Variants in CDH11 observed in about 807,000 individuals in gnomAD.
The protein encoded by CDH11 is cadherin-11.
A neutral mutation model predicts 67.8 loss-of-function variants in CDH11; 11 were observed. That is an observed-to-expected ratio of 0.16 (90% CI 0.10 to 0.27). CDH11 has a LOEUF of 0.27. Among genes scored for constraint, CDH11 ranks in the 10% least tolerant of loss-of-function variants. The pLI, the probability that CDH11 is intolerant of heterozygous loss-of-function variation, is 1.00. For synonymous variants in CDH11, 419 were observed against 400.0 expected (o/e 1.05, Z -0.57); for missense variants, 847 against 1,031.2 (o/e 0.82, Z 2.45).
intron 1 of CDH11, among the ~76,000 whole-genome samples, chr16:65,056,224 G>A (rs1268690508): frequency 6.6e-6 from 1 of 152,190 alleles, no homozygotes; most frequent in Non-Finnish European, 1.5e-5. Flanking sequence ...ACTGTGCTGT[G>A]AGAAAGCTCC....
chr16:64,969,151 G>A (rs1376608784), intron 11 of CDH11, among the ~76,000 whole-genome samples: 2 of 151,988 alleles, frequency 1.3e-5, no homozygotes, highest in African/African-American at 4.8e-5. Context: ...AAATATAGAT[G>A]GTATCCGCAA....
chr16:65,012,366 G>A (rs1476170095), intron 2 of CDH11, among the ~76,000 whole-genome samples: 2 of 152,146 alleles, frequency 1.3e-5, no homozygotes, highest in African/African-American at 2.4e-5. Context: ...AGTTCAAAAC[G>A]AGGAGGTGGG....
At position 64,947,623 on chromosome 16, in the gene CDH11, T is replaced by C; in HGVS notation, c.2371A>G (p.Thr791Ala). The C allele has an allele frequency of 6.2e-7, 1 of 1,607,654 alleles. No individual in the cohort carries two copies. The highest frequency in any genetic ancestry group is 1.3e-5 in the African/African-American group (1 of 74,790). The change falls in exon 13 of 13, where the codon ACT becomes GCT. Residue 791 changes from threonine to alanine, a missense_variant. Around this residue, in one of 2 missense-constraint regions of CDH11, gnomAD observed 612 missense variants for 678.7 expected, o/e 0.90. Coordinates refer to ENST00000268603, the MANE Select transcript of CDH11 (RefSeq NM_001797.4). ...TATTGTTAAGAATCGTCATCAAAAG[T>C]GTCTTTGGAACCATACAAATCTGCT... ...KLADLYGSKD[T>A]FDDDS is the part of the protein sequence containing the mutation.
intron 4 of CDH11, among the ~76,000 whole-genome samples, chr16:64,994,297 G>A (rs1006898317): frequency 1.3e-5 from 2 of 151,992 alleles, no homozygotes; most frequent in African/African-American, 4.8e-5. Flanking sequence ...GTGTGGCTAG[G>A]GAAATTATTA....
chr16:64,971,598 G>A lies in CDH11; in HGVS notation c.1623C>T (p.Phe541=), dbSNP rs2072006645. The A allele has an allele frequency of 6.2e-7, 1 of 1,611,400 alleles. No individual in the cohort carries two copies. The change falls in exon 11 of 13, where the codon TTC becomes TTT. Residue 541 remains phenylalanine, a synonymous_variant. Coordinates refer to ENST00000268603, the MANE Select transcript of CDH11 (RefSeq NM_001797.4). ...LPPEIIHNPN[F]TVRDNRDNTA... is the part of the protein sequence containing the mutation. ...ACAAACCTCGGTTGTCTCTGACTGTGAAATTTGGATTGTGAATGATTTCAG... is the reference window on the plus strand; with the variant it reads ...ACAAACCTCGGTTGTCTCTGACTGTAAAATTTGGATTGTGAATGATTTCAG...
intron 11 of CDH11, among the ~76,000 whole-genome samples, chr16:64,955,074 G>A (rs531663640): frequency 3.6e-4 from 55 of 151,844 alleles, no homozygotes; most frequent in African/African-American, 1.3e-3. Context: ...GTGAAACACC[G>A]TCTCTACTAA....
At chr16:64,959,298 A>G (rs118176539) in intron 11 of CDH11, among the ~76,000 whole-genome samples, 24 of 152,310 alleles carry the variant, frequency 1.6e-4, no homozygotes, top group Non-Finnish European at 3.4e-4. Context: ...TGTCACATTT[A>G]ATCACATTTC....
chr16:65,026,851 A>C (rs2073544077), intron 2 of CDH11, among the ~76,000 whole-genome samples: 1 of 152,154 alleles, frequency 6.6e-6, no homozygotes, highest in Non-Finnish European at 1.5e-5. Flanking sequence ...TCCTTGCCTA[A>C]GTCTCCAAAG....
intron 3 of CDH11, among the ~76,000 whole-genome samples, chr16:65,002,766 C>A (rs188075630): frequency 2.6e-5 from 4 of 152,218 alleles, no homozygotes; most frequent in African/African-American, 9.6e-5. Context: ...TTCTCTTTCC[C>A]CTTTACCTTC....
intron 2 of CDH11, among the ~76,000 whole-genome samples, chr16:65,025,445 C>T (rs1217612862): frequency 5.3e-5 from 8 of 152,162 alleles, no homozygotes; most frequent in Admixed American, 2.0e-4. Flanking sequence ...CGGGTTCAAA[C>T]GATTCTCCTG....
intron 1 of CDH11, among the ~76,000 whole-genome samples, chr16:65,088,939 T>C (rs1410253779): frequency 6.6e-6 from 1 of 152,224 alleles, no homozygotes. Context: ...TTCAAGATGC[T>C]TTCACTTTTA....
At chr16:65,021,137 C>T (rs2073414539) in intron 2 of CDH11, among the ~76,000 whole-genome samples, 1 of 152,108 alleles carries the variant, frequency 6.6e-6, no homozygotes, top group Non-Finnish European at 1.5e-5. Flanking sequence ...CAGAGTGCTT[C>T]CCCATAACTG....
chr16:65,046,748 T>TA (rs2073968060), intron 2 of CDH11, among the ~76,000 whole-genome samples: 1 of 152,168 alleles, frequency 6.6e-6, no homozygotes, highest in Non-Finnish European at 1.5e-5. Flanking sequence ...TTTTAAAACT[T>TA]AAAAAAGTTT....
intron 8 of CDH11, among the ~76,000 whole-genome samples, chr16:64,976,626 G>A (rs1382258566): frequency 3.3e-5 from 5 of 152,074 alleles, no homozygotes; most frequent in East Asian, 1.9e-4. Flanking sequence ...AGGCCAAGGT[G>A]GGCGGATCAC....
intron 11 of CDH11, among the ~76,000 whole-genome samples, chr16:64,958,038 C>G (rs2071566782): frequency 6.6e-6 from 1 of 152,138 alleles, no homozygotes; most frequent in Non-Finnish European, 1.5e-5. Context: ...GAGCTCTCTA[C>G]CTACCTGTAC....
At chr16:65,005,167 A>C in intron 2 of CDH11, 126 bp from the exon 3 acceptor site, 1 of 819,004 alleles carries the variant, frequency 1.2e-6, no homozygotes, top group Non-Finnish European at 1.7e-6. Flanking sequence ...GGGGAAGCTC[A>C]CTGACTGCTT....
chr16:65,085,182 A>T (rs1253914611), intron 1 of CDH11, among the ~76,000 whole-genome samples: 1 of 152,210 alleles, frequency 6.6e-6, no homozygotes, highest in Non-Finnish European at 1.5e-5. Flanking sequence ...AAGTGCTGGG[A>T]TTACAGGCAT....
chr16:65,073,423 G>A (rs1246828749), intron 1 of CDH11, among the ~76,000 whole-genome samples: 1 of 152,132 alleles, frequency 6.6e-6, no homozygotes, highest in African/African-American at 2.4e-5. Context: ...TGGGATTACA[G>A]GTATGAGCCA....
At position 65,122,001 on chromosome 16, in the gene CDH11, G is replaced by T. The variant is rs1203376770; in HGVS notation, c.-419C>A. The T allele has an allele frequency of 4.3e-6, 3 of 699,996 alleles. No homozygotes were observed. Among genetic ancestry groups the T allele is most frequent in the African/African-American group, 1.7e-5 (1 of 57,180 alleles). 43.4% of individuals were successfully genotyped at this position (699,996 alleles called of 1,614,324 possible). ...TCACAAGTCAGCGGCGGCTGCGAGCGGCCCCCGCGGCATCTGCTCCTCGGC... is the reference window on the plus strand; with the variant it reads ...TCACAAGTCAGCGGCGGCTGCGAGCTGCCCCCGCGGCATCTGCTCCTCGGC... On this transcript the variant is annotated 5_prime_UTR_variant, in exon 1 of 13. Transcript: ENST00000268603.
Sources: allele counts gnomAD v4.1 joint callset (sites outside exome capture counted in the v4.1 genomes callset), GRCh38; gene constraint gnomAD v4.1.1; regional missense constraint gnomAD v4.1.1; transcripts MANE v1.5; gene names NCBI Gene and HGNC (gene_info 2026-07-23, HGNC 2026-07-21).